The following AVEN variants were observed in gnomAD, a reference collection of about 807,000 sequenced individuals.
The protein encoded by AVEN is cell death regulator Aven.
In AVEN, 41 loss-of-function variants were observed where a neutral mutation model predicts 38.1. That is an observed-to-expected ratio of 1.08 (90% CI 0.84 to 1.40). AVEN has a LOEUF of 1.40. Ranked by LOEUF, AVEN falls within the 40% of genes most tolerant of loss-of-function variation. The probability of loss-of-function intolerance (pLI) is 0.00; values close to 1 mark genes in which losing one functional copy is unlikely to be tolerated. For missense variants in AVEN, 605 were observed against 438.8 expected (o/e 1.38, Z -3.38); for synonymous variants, 206 against 171.8 (o/e 1.20, Z -1.56).
chr15:33,952,092 T>C (rs570725457), intron 2 of AVEN, among the ~76,000 whole-genome samples: 1 of 152,324 alleles, frequency 6.6e-6, no homozygotes, highest in South Asian at 2.1e-4. Context: ...TAACAAAAGA[T>C]ATATTTTAGA....
At chr15:33,955,862 C>T (rs1390690163) in intron 2 of AVEN, among the ~76,000 whole-genome samples, 1 of 152,194 alleles carries the variant, frequency 6.6e-6, no homozygotes, top group Non-Finnish European at 1.5e-5. Flanking sequence ...CTACAAACAG[C>T]AATAAGCAGC....
At chr15:33,967,280 G>C (rs1895426235) in intron 2 of AVEN, among the ~76,000 whole-genome samples, 1 of 151,924 alleles carries the variant, frequency 6.6e-6, no homozygotes, top group East Asian at 1.9e-4. Flanking sequence ...TACTTTGTCT[G>C]GATTCTCACT....
downstream of AVEN, among the ~76,000 whole-genome samples, chr15:33,861,780 G>C (rs1048387880): frequency 6.6e-6 from 1 of 152,072 alleles, no homozygotes; most frequent in African/African-American, 2.4e-5. Context: ...CCATGACCTG[G>C]GATATTTTTG....
At chr15:34,059,863 G>A (rs546067289) in intron 5 of AVEN, among the ~76,000 whole-genome samples, 2 of 152,256 alleles carry the variant, frequency 1.3e-5, no homozygotes, top group East Asian at 3.9e-4. Flanking sequence ...ATTTCTATCT[G>A]CTAATTTATT....
intron 2 of AVEN, among the ~76,000 whole-genome samples, chr15:33,886,347 G>A (rs746931104): frequency 1.9e-4 from 29 of 152,254 alleles, no homozygotes; most frequent in Middle Eastern, 3.4e-3. Flanking sequence ...CTGTCGCCCA[G>A]GCTGGAGTGT....
intron 1 of AVEN, among the ~76,000 whole-genome samples, chr15:34,004,573 TTGTTA>T (rs1897261785): frequency 6.6e-6 from 1 of 152,204 alleles, no homozygotes; most frequent in South Asian, 2.1e-4. Flanking sequence ...TATTGTTTGT[TTGTTA>T]TAATACTGGT....
At chr15:33,916,532 T>A (rs1271756689) in intron 2 of AVEN, among the ~76,000 whole-genome samples, 2 of 151,952 alleles carry the variant, frequency 1.3e-5, no homozygotes, top group African/African-American at 4.8e-5. Flanking sequence ...GCTAAGGACA[T>A]GAATAGACAA....
intron 1 of AVEN, among the ~76,000 whole-genome samples, chr15:34,013,530 T>C (rs2684953): frequency 0.64 from 97,878 of 152,152 alleles, 36,903 homozygotes; most frequent in Non-Finnish European, 0.85. Flanking sequence ...AAATTGCCAA[T>C]ATTCATTTAA....
At chr15:34,020,310 CAA>C (rs5811813) in intron 1 of AVEN, among the ~76,000 whole-genome samples, 3 of 147,420 alleles carry the variant, frequency 2.0e-5, no homozygotes, top group Non-Finnish European at 4.5e-5. Context: ...GACTCCATCT[CAA>C]AAAAAAAAGA....
intron 5 of AVEN, chr15:34,062,755 A>G (rs767530640): frequency 1.5e-5 from 24 of 1,613,574 alleles, no homozygotes; most frequent in Non-Finnish European, 1.9e-5. Flanking sequence ...ACCACCGTCA[A>G]TGGCACCCCA....
At chr15:34,017,969 CCTA>C (rs577108109) in intron 1 of AVEN, among the ~76,000 whole-genome samples, 25 of 152,146 alleles carry the variant, frequency 1.6e-4, no homozygotes, top group Non-Finnish European at 3.2e-4. Context: ...TGTAAACAAA[CCTA>C]CTACATTACC....
intron 2 of AVEN, among the ~76,000 whole-genome samples, chr15:33,904,712 T>TACACACACACACACAC (rs1394478053): frequency 0.03 from 4,181 of 137,896 alleles, 82 homozygotes; most frequent in African/African-American, 0.046. Context: ...TATATATATA[T>TACACACACACACACAC]ATATACACAC....
chr15:33,963,351 T>A (rs1895271058), intron 2 of AVEN, among the ~76,000 whole-genome samples: 1 of 152,120 alleles, frequency 6.6e-6, no homozygotes, highest in Non-Finnish European at 1.5e-5. Context: ...TTCTTTAAAA[T>A]TTATCTGATA....
chr15:33,867,808 A>G lies in AVEN; in HGVS notation c.660T>C (p.Asp220=). 1 of 1,609,844 alleles carries G rather than the reference A, an allele frequency of 6.2e-7. No homozygotes were observed. Among genetic ancestry groups the G allele is most frequent in the Non-Finnish European group, 8.5e-7 (1 of 1,178,760 alleles). ...EVPQVKPKRT[D]DGKGLGMQLK... ...ACTGCATCCCTAATCCCTTGCCATC[A>G]TCAGTTCTCTTTGGTTTCACCTGAG... Residue 220 remains aspartate, a synonymous_variant, in exon 5 of 6, where the codon GAT becomes GAC. Transcript: ENST00000306730.
At chr15:33,972,725 GT>G (rs1207347886) in intron 2 of AVEN, among the ~76,000 whole-genome samples, 2 of 152,060 alleles carry the variant, frequency 1.3e-5, no homozygotes, top group Non-Finnish European at 2.9e-5. Context: ...TGTAATCTTT[GT>G]TTGCAACAGT....
chr15:33,932,388 C>A (rs1893882003), intron 2 of AVEN, among the ~76,000 whole-genome samples: 1 of 152,084 alleles, frequency 6.6e-6, no homozygotes, highest in African/African-American at 2.4e-5. Flanking sequence ...AGACATAGTT[C>A]CCAGGACAAC....
chr15:33,906,740 T>G (rs569954859), intron 2 of AVEN, among the ~76,000 whole-genome samples: 1 of 151,966 alleles, frequency 6.6e-6, no homozygotes, highest in Non-Finnish European at 1.5e-5. Context: ...GAGAAGACAA[T>G]GGCAAGTTAT....
chr15:34,015,740 A>C (rs1159082094), intron 1 of AVEN, among the ~76,000 whole-genome samples: 1 of 151,990 alleles, frequency 6.6e-6, no homozygotes, highest in African/African-American at 2.4e-5. Flanking sequence ...CTAATGTTCA[A>C]TGACACGTCT....
At chr15:33,983,855 C>CTGACA (rs1896303267) in intron 2 of AVEN, among the ~76,000 whole-genome samples, 1 of 151,826 alleles carries the variant, frequency 6.6e-6, no homozygotes, top group Admixed American at 6.6e-5. Flanking sequence ...TTTGTGTCCA[C>CTGACA]TGACATGATC....
Sources: gnomAD v4.1 joint callset for allele counts (sites outside exome capture counted in the v4.1 genomes callset) on GRCh38, gnomAD v4.1.1 for gene constraint, MANE v1.5 for transcripts, NCBI Gene and HGNC (gene_info 2026-07-23, HGNC 2026-07-21) for gene names.